GATAD2B: variants seen among roughly 807,000 people sequenced by gnomAD.
The protein encoded by GATAD2B is transcriptional repressor p66-beta.
GATAD2B carries 8 observed loss-of-function variants against 64.3 expected under a neutral mutation model. The ratio of observed to expected loss-of-function variants is 0.12; its 90% confidence interval spans 0.07 to 0.22. GATAD2B has a LOEUF of 0.22. Ranked by LOEUF, GATAD2B falls within the 10% of genes least tolerant of loss-of-function variation. GATAD2B has a pLI of 1.00. For synonymous variants in GATAD2B, 281 were observed against 271.3 expected (o/e 1.04, Z -0.35); for missense variants, 453 against 752.0 (o/e 0.60, Z 4.65).
In GATAD2B at chr1:153,915,742, A is replaced by T. The variant is rs796658697; in HGVS notation, c.-2+6991T>A. Among the ~76,000 whole-genome samples, 389 of 43,276 alleles carry T rather than the reference A, an allele frequency of 9.0e-3. 1 individual carries two copies. The highest frequency in any genetic ancestry group is 0.024 in the African/African-American group (376 of 15,358). 28.4% of individuals were successfully genotyped at this position (43,276 alleles called of 152,430 possible). On this transcript the variant is annotated intron_variant, in intron 1 of 10. Coordinates refer to ENST00000368655, the MANE Select transcript of GATAD2B (RefSeq NM_020699.4). ...CAACAGAGCCAGAACTTGTCTATAT[A>T]AAAAAAAAAAAAAAAAAAAGAAAAG... is the stretch of plus-strand genomic sequence containing the variant.
At chr1:153,905,674 G>C (rs1027694479) in intron 1 of GATAD2B, among the ~76,000 whole-genome samples, 2 of 150,354 alleles carry the variant, frequency 1.3e-5, no homozygotes, top group African/African-American at 2.4e-5. Context: ...GCACCTGCCT[G>C]TAATCCCAGC....
chr1:153,818,766 G>T (rs1383437117), intron 4 of GATAD2B, 25 bp downstream of exon 4: 5 of 1,608,692 alleles, frequency 3.1e-6, no homozygotes, highest in Non-Finnish European at 4.2e-6. Flanking sequence ...CTTTCCCTTA[G>T]TCCCTTATTT....
chr1:153,823,421 C>T (rs761156516), intron 2 of GATAD2B, among the ~76,000 whole-genome samples: 30 of 152,174 alleles, frequency 2.0e-4, no homozygotes, highest in South Asian at 4.1e-4. Context: ...TCACAGGTAT[C>T]GTAACTTGCC....
intron 1 of GATAD2B, 141 bp from the exon 2 acceptor site, chr1:153,828,489 CACAA>C: frequency 5.2e-6 from 3 of 574,482 alleles, no homozygotes; most frequent in Admixed American, 3.1e-5. Context: ...CACACACACA[CACAA>C]AGTTCAAAGT....
At chr1:153,828,958 T>C (rs1016234613) in intron 1 of GATAD2B, among the ~76,000 whole-genome samples, 1 of 152,102 alleles carries the variant, frequency 6.6e-6, no homozygotes, top group Non-Finnish European at 1.5e-5. Context: ...TATTGTCAGC[T>C]CCTCCAGAGG....
At chr1:153,883,975 T>C (rs766778079) in intron 1 of GATAD2B, among the ~76,000 whole-genome samples, 2 of 151,894 alleles carry the variant, frequency 1.3e-5, no homozygotes, top group Non-Finnish European at 2.9e-5. Context: ...AAGTACTTAA[T>C]TGTGTGAGGT....
intron 1 of GATAD2B, among the ~76,000 whole-genome samples, chr1:153,911,054 A>G (rs1678096523): frequency 6.6e-6 from 1 of 152,228 alleles, no homozygotes. Context: ...AAGCTTTAAG[A>G]GTATCAGTGA....
chr1:153,863,193 G>A (rs1413405731), intron 1 of GATAD2B, among the ~76,000 whole-genome samples: 1 of 152,112 alleles, frequency 6.6e-6, no homozygotes, highest in African/African-American at 2.4e-5. Flanking sequence ...AGAAAAACAG[G>A]AAAGTGGCCG....
chr1:153,808,169 A>G lies in GATAD2B; in HGVS notation c.*2008T>C, dbSNP rs1442664042. 1 of 152,592 alleles carries G rather than the reference A, an allele frequency of 6.6e-6. No homozygotes were observed. The highest frequency in any genetic ancestry group is 1.5e-5 in the Non-Finnish European group (1 of 68,036). 9.5% of individuals were successfully genotyped at this position (152,592 alleles called of 1,614,324 possible). ...TACCACATTCCCCGGAAAAATACTC[A>G]AAAAACCCAATCACTACCTGTTACT... On this transcript the variant is annotated 3_prime_UTR_variant, in exon 11 of 11. Coordinates refer to ENST00000368655, the MANE Select transcript of GATAD2B (RefSeq NM_020699.4).
intron 1 of GATAD2B, among the ~76,000 whole-genome samples, chr1:153,844,982 A>C (rs1675633044): frequency 1.3e-5 from 2 of 152,236 alleles, no homozygotes; most frequent in South Asian, 4.1e-4. Flanking sequence ...AGAATAATCA[A>C]TCAGAAGAAA....
intron 1 of GATAD2B, among the ~76,000 whole-genome samples, chr1:153,891,055 G>A (rs1400148998): frequency 6.6e-6 from 1 of 151,884 alleles, no homozygotes; most frequent in Non-Finnish European, 1.5e-5. Flanking sequence ...GTGGTGGTGG[G>A]CACCTGTAAT....
chr1:153,916,832 A>T (rs1229166894), intron 1 of GATAD2B, among the ~76,000 whole-genome samples: 1 of 152,056 alleles, frequency 6.6e-6, no homozygotes, highest in Admixed American at 6.6e-5. Context: ...TTTTTGAGAG[A>T]GAGTCTCACT....
intron 7 of GATAD2B, among the ~76,000 whole-genome samples, chr1:153,815,893 A>AG: frequency 6.6e-6 from 1 of 152,278 alleles, no homozygotes; most frequent in Admixed American, 6.5e-5. Context: ...TCTCTACTAA[A>AG]AATACAAAAA....
intron 1 of GATAD2B, among the ~76,000 whole-genome samples, chr1:153,867,731 G>A (rs1265883239): frequency 6.6e-6 from 1 of 151,836 alleles, no homozygotes; most frequent in Admixed American, 6.6e-5. Flanking sequence ...ATGGTGGTGA[G>A]CATCTGTAAT....
intron 1 of GATAD2B, among the ~76,000 whole-genome samples, chr1:153,914,139 A>G (rs1337920398): frequency 7.1e-6 from 1 of 141,548 alleles, no homozygotes; most frequent in Non-Finnish European, 1.5e-5. Flanking sequence ...GCTACTGGGG[A>G]GGCTGACACA....
intron 7 of GATAD2B, among the ~76,000 whole-genome samples, chr1:153,815,682 ATAGAT>A (rs1310832540): frequency 6.6e-6 from 1 of 152,176 alleles, no homozygotes; most frequent in East Asian, 1.9e-4. Context: ...AAGATAGATG[ATAGAT>A]TAGATAGAAT....
At chr1:153,909,947 CAA>C (rs34780134) in intron 1 of GATAD2B, among the ~76,000 whole-genome samples, 9 of 101,088 alleles carry the variant, frequency 8.9e-5, no homozygotes, top group Admixed American at 1.1e-4. Context: ...GACTCCATCT[CAA>C]AAAAAAAAAA....
At chr1:153,922,383 G>A (rs1678477491) in intron 1 of GATAD2B, among the ~76,000 whole-genome samples, 1 of 151,348 alleles carries the variant, frequency 6.6e-6, no homozygotes, top group African/African-American at 2.4e-5. Flanking sequence ...GGGGAAACGG[G>A]GCGTGAGGGA....
chr1:153,877,481 TC>T (rs1396743371), intron 1 of GATAD2B, among the ~76,000 whole-genome samples: 1 of 152,088 alleles, frequency 6.6e-6, no homozygotes, highest in African/African-American at 2.4e-5. Context: ...TTCTCATCTA[TC>T]CTTTAAGAGA....
Sources: allele counts gnomAD v4.1 joint callset (sites outside exome capture counted in the v4.1 genomes callset), GRCh38; gene constraint gnomAD v4.1.1; transcripts MANE v1.5; gene names NCBI Gene and HGNC (gene_info 2026-07-23, HGNC 2026-07-21).